Variants in HOMER3 observed in about 807,000 individuals in gnomAD.
HOMER3 encodes the protein homer scaffold protein 3, also known as homer protein homolog 3.
A neutral mutation model predicts 45.5 loss-of-function variants in HOMER3; 34 were observed. The observed-to-expected ratio is 0.75, with a 90% confidence interval of 0.57 to 1.00. HOMER3 has a LOEUF of 1.00. HOMER3 is among the 50% of genes least tolerant of loss of function. The pLI, the probability that HOMER3 is intolerant of heterozygous loss-of-function variation, is 0.00. For missense variants in HOMER3, 480 were observed against 497.5 expected (o/e 0.96, Z 0.33); for synonymous variants, 223 against 208.8 (o/e 1.07, Z -0.58).
intron 6 of HOMER3, 51 bp downstream of exon 6, chr19:18,932,873 T>TCCCCC: frequency 5.7e-6 from 5 of 877,170 alleles, no homozygotes; most frequent in East Asian, 3.4e-5. Flanking sequence ...CGCCTCCTCG[T>TCCCCC]CCCCCACCCC....
At chr19:18,939,138 G>T in intron 1 of HOMER3, 89 bp from the exon 2 acceptor site, 1 of 684,032 alleles carries the variant, frequency 1.5e-6, no homozygotes, top group Non-Finnish European at 2.4e-6. Flanking sequence ...CACCAGGTGT[G>T]CCCGTCATGG....
At chr19:18,939,142 G>A (rs1003903904) in intron 1 of HOMER3, 93 bp from the exon 2 acceptor site, 96 of 667,852 alleles carry the variant, frequency 1.4e-4, no homozygotes, top group Admixed American at 9.1e-4. Flanking sequence ...AGGTGTGCCC[G>A]TCATGGAACT....
chr19:18,932,989 G>A lies in HOMER3; in HGVS notation c.468C>T (p.Arg156=). ...GGCCGGGGGCATCAGCGCTCTGGCT[G>A]CGGAACAGTTTTTCCTCGCCGGGGC... The part of the protein sequence containing the change: ...ANGPGEEKLF[R]SQSADAPGPT... The change falls in exon 6 of 10, where the codon CGC becomes CGT. Residue 156 remains arginine, a synonymous_variant. Transcript: ENST00000392351. 1 of 1,472,442 alleles carries A rather than the reference G, an allele frequency of 6.8e-7. No individual in the cohort carries two copies. The highest frequency in any genetic ancestry group is 9.0e-7 in the Non-Finnish European group (1 of 1,114,760). The allele number at this position is 1,472,442 out of a possible 1,614,324, so 91.2% of individuals were successfully genotyped here.
chr19:18,932,321 T>C (rs1175329704), intron 6 of HOMER3, among the ~76,000 whole-genome samples, 189 bp from the exon 7 acceptor site: 1 of 42,178 alleles, frequency 2.4e-5, no homozygotes, highest in Non-Finnish European at 4.4e-5. Flanking sequence ...GGCACTGGGC[T>C]GGGGGCGGAG....
At chr19:18,931,102 T>C (rs1568335567) in intron 9 of HOMER3, 1 of 508,624 alleles carries the variant, frequency 2.0e-6, no homozygotes, top group Non-Finnish European at 3.5e-6. Flanking sequence ...ATTGACGGGG[T>C]CTGGCATGGG....
At chr19:18,929,758 A>C (rs1309073875) in intron 9 of HOMER3, 124 bp from the exon 10 acceptor site, 2 of 693,202 alleles carry the variant, frequency 2.9e-6, no homozygotes, top group Admixed American at 3.4e-5. Flanking sequence ...CGCCCAACAC[A>C]CCAGGAATAA....
chr19:18,932,900 A>AC, intron 6 of HOMER3, 24 bp downstream of exon 6: 1 of 249,082 alleles, frequency 4.0e-6, no homozygotes, highest in Non-Finnish European at 6.8e-6. Context: ...CGCCCCTGCC[A>AC]CGCCCCCAAG....
intron 7 of HOMER3, 112 bp from the exon 8 acceptor site, chr19:18,931,737 C>T: frequency 2.7e-6 from 4 of 1,500,306 alleles, no homozygotes; most frequent in African/African-American, 1.4e-5. Flanking sequence ...GAGCACCCAT[C>T]TCCCTTGGTT....
chr19:18,936,357 C>T (rs927034821), intron 4 of HOMER3, among the ~76,000 whole-genome samples: 11 of 148,896 alleles, frequency 7.4e-5, no homozygotes, highest in African/African-American at 2.2e-4. Flanking sequence ...ATTTTTTAGG[C>T]TGGGTGCAGT....
At chr19:18,930,441 G>T (rs1017594100) in intron 9 of HOMER3, among the ~76,000 whole-genome samples, 1 of 150,050 alleles carries the variant, frequency 6.7e-6, no homozygotes, top group Non-Finnish European at 1.5e-5. Context: ...CCAGCTACTC[G>T]GGAGGCTGAG....
chr19:18,931,980 T>C lies in HOMER3; in HGVS notation c.686A>G (p.Gln229Arg). ...CGGAGGGAGGGGTGCCCTCACCCGCTGCCGCAGCCGCTCGGCCTCTGCACG... is the reference window on the plus strand; with the variant it reads ...CGGAGGGAGGGGTGCCCTCACCCGCCGCCGCAGCCGCTCGGCCTCTGCACG... ...AQRAEAERLR[Q>R]RVAELEAQAA... The change falls in exon 7 of 10, where the codon CAG (glutamine) becomes CGG (arginine). Residue 229 changes from glutamine (Q) to arginine (R), a missense_variant. Physicochemically the swap from Gln to Arg is conservative, Grantham distance 43 (BLOSUM62 1). Transcript: ENST00000392351. 6.5e-7 allele frequency: 1 copy of C among 1,528,362 alleles called. No individual in the cohort carries two copies. Among genetic ancestry groups the C allele is most frequent in the Admixed American group, 2.0e-5 (1 of 48,958 alleles). 94.7% of individuals were successfully genotyped at this position (1,528,362 alleles called of 1,614,324 possible). A position where few individuals can be genotyped will look rare whatever the true frequency, so the allele number is the denominator to read the frequency against.
rs752441239 is a variant in HOMER3 at position 18,929,402 on chromosome 19, G to C, written c.*41C>G. On this transcript the variant is annotated 3_prime_UTR_variant, in exon 10 of 10. Transcript: ENST00000392351. ...AACTATGCCGCCTGCAGCCTGGCCC[G>C]CATCCCAGGCCGGAATCGTTCATAG... 1.4e-5 allele frequency: 22 copies of C among 1,572,600 alleles called. No individual in the cohort carries two copies. The highest frequency in any genetic ancestry group is 3.4e-6 in the Non-Finnish European group (4 of 1,159,454).
intron 6 of HOMER3, 38 bp downstream of exon 6, chr19:18,932,886 C>T: frequency 2.7e-6 from 1 of 363,768 alleles, no homozygotes; most frequent in Non-Finnish European, 5.0e-6. Context: ...CCCACCCCTA[C>T]CCCCGCCCCT....
chr19:18,931,678 T>G, intron 7 of HOMER3, 53 bp from the exon 8 acceptor site: 1 of 1,537,974 alleles, frequency 6.5e-7, no homozygotes, highest in East Asian at 2.3e-5. Context: ...TCTCCCTTGC[T>G]CGCCCAACCT....
At position 18,938,377 on chromosome 19, in the gene HOMER3, A is replaced by G; in HGVS notation, c.279T>C (p.Phe93=). The change falls in exon 4 of 10, where the codon TTT becomes TTC. Residue 93 remains phenylalanine, a synonymous_variant. Coordinates refer to ENST00000392351, the MANE Select transcript of HOMER3 (RefSeq NM_004838.4). The part of the protein sequence containing the change: ...SRANTVYGLG[F]ASEQHLTQFA... ...CCTGTGTCAGATGCTGTTCAGAGGC[A>G]AAGCCCAGGCCGTAGACTGTGTTGG... 1 of 1,612,792 alleles carries G rather than the reference A, an allele frequency of 6.2e-7. No individual in the cohort carries two copies. Among genetic ancestry groups the G allele is most frequent in the Admixed American group, 1.7e-5 (1 of 59,982 alleles).
At chr19:18,937,454 A>G (rs1359758109) in intron 4 of HOMER3, among the ~76,000 whole-genome samples, 2 of 151,998 alleles carry the variant, frequency 1.3e-5, no homozygotes, top group Non-Finnish European at 2.9e-5. Flanking sequence ...AGGCAGGTGG[A>G]TCATCTGAGG....
intron 4 of HOMER3, among the ~76,000 whole-genome samples, chr19:18,935,738 G>A (rs1270211340): frequency 6.6e-6 from 1 of 152,152 alleles, no homozygotes; most frequent in Admixed American, 6.6e-5. Flanking sequence ...TAATTTTTTA[G>A]GCCGGGTGCG....
At chr19:18,932,820 A>T in intron 6 of HOMER3, 104 bp downstream of exon 6, 1 of 912,220 alleles carries the variant, frequency 1.1e-6, no homozygotes, top group Non-Finnish European at 1.5e-6. Context: ...TTGAGTCCAC[A>T]GTTAGATCCC....
intron 1 of HOMER3, chr19:18,940,529 G>A (rs2057143974): frequency 6.6e-6 from 1 of 152,226 alleles, no homozygotes; most frequent in Non-Finnish European, 1.5e-5. Context: ...TCCGGGACGC[G>A]GGCTCTGACC....
Sources: gnomAD v4.1 joint callset for allele counts (sites outside exome capture counted in the v4.1 genomes callset) on GRCh38, gnomAD v4.1.1 for gene constraint, MANE v1.5 for transcripts, NCBI Gene and HGNC (gene_info 2026-07-23, HGNC 2026-07-21) for gene names.